The following LRRTM4 variants were observed in gnomAD, a reference collection of about 807,000 sequenced individuals.
The protein encoded by LRRTM4 is leucine-rich repeat transmembrane neuronal protein 4.
A neutral mutation model predicts 47.6 loss-of-function variants in LRRTM4; 25 were observed. The ratio of observed to expected loss-of-function variants is 0.53; its 90% CI spans 0.38 to 0.73. LRRTM4 has a LOEUF of 0.73. Among genes scored for constraint, LRRTM4 ranks in the 30% least tolerant of loss-of-function variants. LRRTM4 has a pLI of 0.00. For missense variants in LRRTM4, 638 were observed against 713.4 expected (o/e 0.89, Z 1.20); for synonymous variants, 311 against 269.5 (o/e 1.15, Z -1.51).
At chr2:77,136,588 C>T (rs747689144) in intron 3 of LRRTM4, among the ~76,000 whole-genome samples, 6 of 152,192 alleles carry the variant, frequency 3.9e-5, no homozygotes, top group East Asian at 1.9e-4. Context: ...TCCAAAGGAA[C>T]GCAGCTCCTC....
chr2:77,080,847 T>C (rs1680506536), intron 3 of LRRTM4, among the ~76,000 whole-genome samples: 1 of 152,148 alleles, frequency 6.6e-6, no homozygotes, highest in Non-Finnish European at 1.5e-5. Flanking sequence ...CAGTTATTTC[T>C]CCTTTACTAT....
intron 3 of LRRTM4, among the ~76,000 whole-genome samples, chr2:76,915,897 C>T (rs1454197522): frequency 3.3e-5 from 5 of 152,056 alleles, no homozygotes; most frequent in Middle Eastern, 3.4e-3. Flanking sequence ...AAGTAATAAA[C>T]TTTGTGAGGA....
At chr2:76,968,280 GTC>G (rs1676094000) in intron 3 of LRRTM4, among the ~76,000 whole-genome samples, 1 of 143,636 alleles carries the variant, frequency 7.0e-6, no homozygotes, top group Admixed American at 7.1e-5. Flanking sequence ...CTGGCAATGA[GTC>G]TAAAAATCTC....
intron 3 of LRRTM4, among the ~76,000 whole-genome samples, chr2:77,384,568 T>A (rs1423508911): frequency 6.6e-6 from 1 of 151,854 alleles, no homozygotes; most frequent in African/African-American, 2.4e-5. Context: ...ACTAAGATCC[T>A]CATGACCAAA....
At chr2:76,970,708 CA>C (rs1676188966) in intron 3 of LRRTM4, among the ~76,000 whole-genome samples, 1 of 152,022 alleles carries the variant, frequency 6.6e-6, no homozygotes, top group African/African-American at 2.4e-5. Context: ...CTGAACCTCA[CA>C]ACCTAGAGCT....
chr2:77,402,067 A>G (rs554994969), intron 3 of LRRTM4, among the ~76,000 whole-genome samples: 1 of 152,160 alleles, frequency 6.6e-6, no homozygotes, highest in African/African-American at 2.4e-5. Context: ...TTTTAATCAT[A>G]TGATAATTCT....
chr2:76,905,793 AG>A (rs1365209201), intron 3 of LRRTM4, among the ~76,000 whole-genome samples: 2 of 152,124 alleles, frequency 1.3e-5, no homozygotes, highest in East Asian at 3.8e-4. Context: ...GCAAGTTTAG[AG>A]AAAAAAGAAA....
intron 3 of LRRTM4, among the ~76,000 whole-genome samples, chr2:77,069,988 G>C (rs1680097190): frequency 6.6e-6 from 1 of 152,028 alleles, no homozygotes; most frequent in Admixed American, 6.6e-5. Context: ...AGCTCCAGTT[G>C]GGTCAAATGA....
rs536605846 is a variant in LRRTM4, at chr2:77,124,989, A to T, written c.1552-376073T>A. Among the ~76,000 whole-genome samples, 5 of 152,326 alleles carry T rather than the reference A, an allele frequency of 3.3e-5. No homozygotes were observed. In the East Asian group the frequency reaches 5.8e-4, roughly 18 times the overall value. On this transcript the variant is annotated intron_variant, in intron 3 of 3. Transcript: ENST00000409884. ...GCAGGACATGTTTTGAAAAAGCATC[A>T]AGTGTGTCAGTTGCTTCTTTCTCTA...
chr2:76,908,906 T>C (rs1034290510), intron 3 of LRRTM4, among the ~76,000 whole-genome samples: 2 of 152,150 alleles, frequency 1.3e-5, no homozygotes, highest in Non-Finnish European at 2.9e-5. Context: ...ATTGTGAAAA[T>C]GGCCATACTG....
At chr2:76,953,803 C>T (rs1280322606) in intron 3 of LRRTM4, among the ~76,000 whole-genome samples, 1 of 151,914 alleles carries the variant, frequency 6.6e-6, no homozygotes, top group African/African-American at 2.4e-5. Flanking sequence ...GTTTGAGGTA[C>T]TGATTACTGT....
At chr2:76,845,849 G>A (rs1348152767) in intron 3 of LRRTM4, among the ~76,000 whole-genome samples, 1 of 152,052 alleles carries the variant, frequency 6.6e-6, no homozygotes, top group Non-Finnish European at 1.5e-5. Context: ...TAGGGAGAGG[G>A]GAAGTTTCAG....
intron 3 of LRRTM4, among the ~76,000 whole-genome samples, chr2:76,916,592 C>T (rs955219420): frequency 2.0e-5 from 3 of 152,012 alleles, no homozygotes; most frequent in African/African-American, 7.2e-5. Context: ...TATTTCCTTT[C>T]TTTGTGAACC....
At chr2:77,369,817 T>C (rs560983413) in intron 3 of LRRTM4, among the ~76,000 whole-genome samples, 1 of 151,794 alleles carries the variant, frequency 6.6e-6, no homozygotes, top group African/African-American at 2.4e-5. Context: ...CTGTAGGCAA[T>C]AGTAACAAAT....
intron 3 of LRRTM4, among the ~76,000 whole-genome samples, chr2:76,770,126 G>A (rs1374388411): frequency 1.3e-5 from 2 of 152,076 alleles, no homozygotes; most frequent in African/African-American, 4.8e-5. Context: ...CCAAATAAAA[G>A]GGAAATGTAA....
At chr2:76,781,793 A>AT (rs1397537603) in intron 3 of LRRTM4, among the ~76,000 whole-genome samples, 2 of 151,924 alleles carry the variant, frequency 1.3e-5, no homozygotes, top group African/African-American at 4.8e-5. Context: ...CCTTTGTGGC[A>AT]TTTCTATTTT....
At chr2:76,871,485 T>C (rs1216560439) in intron 3 of LRRTM4, among the ~76,000 whole-genome samples, 1 of 152,152 alleles carries the variant, frequency 6.6e-6, no homozygotes, top group Admixed American at 6.5e-5. Flanking sequence ...GAATCGCCTG[T>C]ATTGAATTGA....
chr2:77,057,154 T>C (rs13397044), intron 3 of LRRTM4, among the ~76,000 whole-genome samples: 33,616 of 152,154 alleles, frequency 0.22, 3,866 homozygotes, highest in East Asian at 0.31. Context: ...TGCTGATCCC[T>C]GATTCAAAAC....
chr2:77,360,182 G>C (rs560585995), intron 3 of LRRTM4, among the ~76,000 whole-genome samples: 3 of 152,226 alleles, frequency 2.0e-5, no homozygotes, highest in South Asian at 2.1e-4. Context: ...TGTAGGCCGG[G>C]AACAGTGGCT....
Sources: gnomAD v4.1 joint callset for allele counts (sites outside exome capture counted in the v4.1 genomes callset) on GRCh38, gnomAD v4.1.1 for gene constraint, MANE v1.5 for transcripts, NCBI Gene and HGNC (gene_info 2026-07-23, HGNC 2026-07-21) for gene names.